The following ERGIC3 variants were observed in gnomAD, a reference collection of about 807,000 sequenced individuals.
ERGIC3 encodes endoplasmic reticulum-Golgi intermediate compartment protein 3.
ERGIC3 carries 33 observed loss-of-function variants against 54.7 expected under a neutral mutation model. The observed-to-expected ratio is 0.60, with a 90% CI of 0.46 to 0.81. The LOEUF (loss-of-function observed/expected upper bound fraction) is 0.81. Among genes scored for constraint, ERGIC3 ranks in the 30% least tolerant of loss-of-function variants. The pLI is 0.00. For synonymous variants in ERGIC3, 186 were observed against 189.8 expected, an observed-to-expected ratio of 0.98 and a Z score of 0.16; for missense variants, 399 against 488.4, an observed-to-expected ratio of 0.82 and a Z score of 1.73.
intron 4 of ERGIC3, chr20:35,544,455 C>T (rs2064636425): frequency 3.2e-6 from 1 of 315,872 alleles, no homozygotes; most frequent in Non-Finnish European, 6.4e-6. Context: ...ATCAGCTTTC[C>T]TCATGATGGC....
chr20:35,549,104 A>T, intron 7 of ERGIC3: 1 of 626,970 alleles, frequency 1.6e-6, no homozygotes, highest in African/African-American at 1.9e-5. Context: ...AAGGTTTCTT[A>T]ATCTTTTTGA....
intron 4 of ERGIC3, among the ~76,000 whole-genome samples, chr20:35,546,499 T>A (rs748773583): frequency 6.6e-6 from 1 of 152,088 alleles, no homozygotes; most frequent in Non-Finnish European, 1.5e-5. Flanking sequence ...GTGAACTGAT[T>A]AGAGAAATGA....
intron 5 of ERGIC3, 95 bp from the exon 6 acceptor site, chr20:35,548,410 CTTCA>C: frequency 7.6e-7 from 1 of 1,321,146 alleles, no homozygotes; most frequent in Non-Finnish European, 1.1e-6. Context: ...CTAGCAGAGC[CTTCA>C]TTAGCAGGCA....
intron 4 of ERGIC3, chr20:35,543,640 T>G: frequency 2.1e-6 from 1 of 471,314 alleles, no homozygotes; most frequent in Admixed American, 2.3e-5. Flanking sequence ...TGGGGAGTTT[T>G]ATCATTCGTT....
intron 4 of ERGIC3, chr20:35,543,876 T>G (rs2147302385): frequency 2.9e-6 from 1 of 345,888 alleles, no homozygotes; most frequent in Non-Finnish European, 5.9e-6. Context: ...CAAAAGTTAG[T>G]AGTTTGATAC....
chr20:35,557,472 CAGA>C lies in ERGIC3; in HGVS notation c.1125_1127del (p.Lys376del). 2 of 1,614,148 alleles carry C rather than the reference CAGA, an allele frequency of 1.2e-6. No individual in the cohort carries two copies. The highest frequency in any genetic ancestry group is 1.7e-6 in the Non-Finnish European group (2 of 1,180,028). ...CATCTACCACTCAGCACGAGCCATC[CAGA>C]AGAAAATTGATCTAGGGAAGACAAC... is the stretch of plus-strand genomic sequence containing the variant. On this transcript the variant is annotated inframe_deletion, in exon 13 of 13. Coordinates refer to ENST00000348547, the MANE Select transcript of ERGIC3 (RefSeq NM_015966.3).
At chr20:35,556,569 G>A (rs1367273079) in intron 10 of ERGIC3, 5 of 512,490 alleles carry the variant, frequency 9.8e-6, no homozygotes, top group Admixed American at 6.5e-5. Context: ...GGTTAGGCAA[G>A]GCAAGTCTCT....
rs1292577654 is a variant in ERGIC3 at position 35,548,873 on chromosome 20, A to G, written c.685+8A>G. 6.2e-7 allele frequency: 1 copy of G among 1,614,154 alleles called. No individual in the cohort carries two copies. The highest frequency in any genetic ancestry group is 1.3e-5 in the African/African-American group (1 of 75,060). On this transcript the variant is annotated splice_region_variant and intron_variant, in intron 7 of 12. Transcript: ENST00000348547. ...AGCAGTCCCATGTGCACGGTGAGTG[A>G]TCTGCACTAGCTGGGGAGATTTAGA...
chr20:35,554,281 A>C, intron 7 of ERGIC3: 2 of 1,525,582 alleles, frequency 1.3e-6, no homozygotes, highest in South Asian at 2.2e-5. Context: ...TGAATGTTCC[A>C]GTCTTCCCTC....
chr20:35,549,229 A>C (rs1568870572), intron 7 of ERGIC3: 1 of 474,944 alleles, frequency 2.1e-6, no homozygotes, highest in East Asian at 6.8e-5. Context: ...TTGAAATGGT[A>C]GCCCCCCGTG....
chr20:35,554,861 T>C (rs894413667), intron 7 of ERGIC3, 183 bp from the exon 8 acceptor site: 1 of 736,394 alleles, frequency 1.4e-6, no homozygotes, highest in Admixed American at 2.0e-5. Flanking sequence ...GGGCGTGAAC[T>C]CTCACACAGG....
At chr20:35,556,300 T>A in intron 10 of ERGIC3, 29 bp downstream of exon 10, 1 of 1,611,764 alleles carries the variant, frequency 6.2e-7, no homozygotes, top group Non-Finnish European at 8.5e-7. Context: ...TACCAGAGTC[T>A]CCTGCGCGGT....
intron 8 of ERGIC3, 70 bp from the exon 9 acceptor site, chr20:35,555,963 C>T (rs781274122): frequency 5.2e-5 from 76 of 1,455,980 alleles, no homozygotes; most frequent in African/African-American, 1.7e-4. Flanking sequence ...TCTCCGCAGA[C>T]GGACCCAGGT....
chr20:35,552,389 G>A (rs1307501912), intron 7 of ERGIC3, among the ~76,000 whole-genome samples: 4 of 152,298 alleles, frequency 2.6e-5, no homozygotes, highest in South Asian at 4.1e-4. Flanking sequence ...CCTGGAGTCC[G>A]CGGCTGTGAA....
At chr20:35,549,377 C>A (rs1307899292) in intron 7 of ERGIC3, 4 of 379,156 alleles carry the variant, frequency 1.1e-5, no homozygotes, top group Non-Finnish European at 2.2e-5. Context: ...GATAATAGTA[C>A]CCACTCACAG....
intron 4 of ERGIC3, among the ~76,000 whole-genome samples, chr20:35,546,427 G>T (rs1408645734): frequency 6.6e-6 from 1 of 152,178 alleles, no homozygotes; most frequent in Non-Finnish European, 1.5e-5. Flanking sequence ...GAAGAAATAG[G>T]AGGGGGTTTT....
intron 7 of ERGIC3, 173 bp from the exon 8 acceptor site, chr20:35,554,871 G>A (rs1222313193): frequency 1.3e-6 from 1 of 778,276 alleles, no homozygotes; most frequent in Admixed American, 2.0e-5. Context: ...TCTCACACAG[G>A]CCCAAGGCTT....
Position 35,552,103 on chromosome 20 carries a change from C to T in ERGIC3, c.686-2941C>T, listed in dbSNP as rs370459786. On this transcript the variant is annotated intron_variant, in intron 7 of 12. Transcript: ENST00000348547. ...AAAGAAGACAGAATCTAGTGCCTTA[C>T]ATATGTGGAAAGTCCAAACTTAGCA... Among the ~76,000 whole-genome samples, 37 of 152,280 alleles carry T rather than the reference C, an allele frequency of 2.4e-4. 1 individual carries two copies. In the Middle Eastern group the frequency reaches 0.017, roughly 70 times the overall value.
In ERGIC3 at chr20:35,557,498, A is replaced by G. The variant is rs141701004; in HGVS notation, c.1146A>G (p.Thr382=). ...AGAAGAAAATTGATCTAGGGAAGAC[A>G]ACGTAGTCACCCTCGGTGCTTCCTC... is the stretch of plus-strand genomic sequence containing the variant. ...AIQKKIDLGK[T]T Residue 382 remains threonine, a synonymous_variant, in exon 13 of 13, where the codon ACA becomes ACG. Coordinates refer to ENST00000348547, the MANE Select transcript of ERGIC3 (RefSeq NM_015966.3). 6 of 1,613,844 alleles carry G rather than the reference A, an allele frequency of 3.7e-6. No individual in the cohort carries two copies. The highest frequency in any genetic ancestry group is 1.3e-5 in the African/African-American group (1 of 74,898).
Sources: gnomAD v4.1 joint callset for allele counts (sites outside exome capture counted in the v4.1 genomes callset) on GRCh38, gnomAD v4.1.1 for gene constraint, MANE v1.5 for transcripts, NCBI Gene and HGNC (gene_info 2026-07-23, HGNC 2026-07-21) for gene names.